Variants in CCND3 observed in about 807,000 individuals in gnomAD.
CCND3 encodes the protein G1/S-specific cyclin-D3.
CCND3 carries 9 observed loss-of-function variants against 28.7 expected under a neutral mutation model. That is an observed-to-expected ratio of 0.31 (90% CI 0.19 to 0.55). The LOEUF (loss-of-function observed/expected upper bound fraction) is 0.55, where lower values mean the gene tolerates loss of function less well. Ranked by LOEUF, CCND3 falls within the 20% of genes least tolerant of loss-of-function variation. The probability of loss-of-function intolerance (pLI) is 0.93; values close to 1 mark genes in which losing one functional copy is unlikely to be tolerated. For synonymous variants in CCND3, 164 were observed against 163.9 expected, an observed-to-expected ratio of 1.00 and a Z score of 0.00; for missense variants, 315 against 385.8, an observed-to-expected ratio of 0.82 and a Z score of 1.54.
At chr6:42,041,265 A>G (rs530154268) in intron 1 of CCND3, among the ~76,000 whole-genome samples, 1 of 152,368 alleles carries the variant, frequency 6.6e-6, no homozygotes, top group East Asian at 1.9e-4. Context: ...AGAACCCAAA[A>G]GGCTGGGCCC....
chr6:41,990,057 A>G (rs1762604363), intron 1 of CCND3, among the ~76,000 whole-genome samples: 1 of 152,228 alleles, frequency 6.6e-6, no homozygotes, highest in African/African-American at 2.4e-5. Context: ...TATACATAGA[A>G]AAAGCTAAAG....
intron 1 of CCND3, among the ~76,000 whole-genome samples, chr6:42,039,699 C>A (rs1471021731): frequency 6.6e-6 from 1 of 152,230 alleles, no homozygotes; most frequent in Non-Finnish European, 1.5e-5. Flanking sequence ...GCTGATTCAA[C>A]CAGAGCTCCC....
At chr6:41,940,297 T>C (rs1336879609) in intron 2 of CCND3, 73 bp downstream of exon 2, 2 of 1,350,624 alleles carry the variant, frequency 1.5e-6, no homozygotes, top group East Asian at 2.3e-5. Flanking sequence ...AAGCCTCTGA[T>C]ATCTCAAGCT....
At chr6:41,945,252 G>T (rs1011046077), upstream of CCND3, among the ~76,000 whole-genome samples, 3 of 152,154 alleles carry the variant, frequency 2.0e-5, no homozygotes, top group Non-Finnish European at 4.4e-5. Flanking sequence ...GGTGGCTCAC[G>T]CCTGTAATCC....
chr6:42,041,819 C>A (rs913176809), intron 1 of CCND3, among the ~76,000 whole-genome samples: 1 of 152,202 alleles, frequency 6.6e-6, no homozygotes, highest in Non-Finnish European at 1.5e-5. Context: ...AGACTGGGGG[C>A]CCTCTGCGCC....
intron 1 of CCND3, among the ~76,000 whole-genome samples, chr6:42,027,098 C>G (rs1582178110): frequency 6.6e-6 from 1 of 152,180 alleles, no homozygotes; most frequent in African/African-American, 2.4e-5. Flanking sequence ...CAGCCCTTCA[C>G]CTCCATCAGG....
chr6:41,998,267 G>A lies in CCND3; in HGVS notation c.-46+50234C>T, dbSNP rs1185322506. ...CGCACCACTGTACTCCAGCTTGGGCGGCAGAGCGAGACTCCACCTCAAAAA... is the reference window on the plus strand; with the variant it reads ...CGCACCACTGTACTCCAGCTTGGGCAGCAGAGCGAGACTCCACCTCAAAAA... On this transcript the variant is annotated intron_variant, in intron 1 of 4. Transcript: ENST00000372988. Among the ~76,000 whole-genome samples, 11 of 142,852 alleles carry A rather than the reference G, an allele frequency of 7.7e-5. No individual in the cohort carries two copies. In the South Asian group the frequency reaches 1.2e-3, roughly 15 times the overall value. The allele number at this position is 142,852 out of a possible 152,430, so 93.7% of individuals were successfully genotyped here.
At chr6:42,001,736 T>C (rs1453492302) in intron 1 of CCND3, among the ~76,000 whole-genome samples, 1 of 151,546 alleles carries the variant, frequency 6.6e-6, no homozygotes, top group African/African-American at 2.4e-5. Flanking sequence ...GGGGGCGGAG[T>C]GTGCCTGAAA....
intron 1 of CCND3, among the ~76,000 whole-genome samples, chr6:41,948,330 T>G (rs1024754097): frequency 8.6e-6 from 1 of 115,770 alleles, no homozygotes; most frequent in Admixed American, 9.0e-5. Context: ...CAGTAAGTTT[T>G]TTGTTTTTTT....
At chr6:42,008,268 C>T (rs1763236372) in intron 1 of CCND3, among the ~76,000 whole-genome samples, 3 of 152,068 alleles carry the variant, frequency 2.0e-5, no homozygotes, top group Admixed American at 2.0e-4. Context: ...ATCCCAGCTA[C>T]TCGGGAGGCT....
At chr6:42,033,505 C>CAT (rs57512927) in intron 1 of CCND3, among the ~76,000 whole-genome samples, 40 of 150,370 alleles carry the variant, frequency 2.7e-4, no homozygotes, top group Admixed American at 1.7e-3. Flanking sequence ...CACACACACA[C>CAT]GCACACATAG....
At chr6:41,951,738 A>G (rs1776324537) in intron 1 of CCND3, among the ~76,000 whole-genome samples, 1 of 151,730 alleles carries the variant, frequency 6.6e-6, no homozygotes, top group Admixed American at 6.6e-5. Context: ...GGTAGTAATA[A>G]TAATAGATCC....
chr6:41,952,009 G>A (rs1028530461), intron 1 of CCND3, among the ~76,000 whole-genome samples: 3 of 151,982 alleles, frequency 2.0e-5, no homozygotes, highest in Admixed American at 1.3e-4. Flanking sequence ...TGATCCACCC[G>A]CCTCGGCCTC....
chr6:41,975,379 C>T (rs1762145786), intron 1 of CCND3, among the ~76,000 whole-genome samples: 1 of 152,034 alleles, frequency 6.6e-6, no homozygotes, highest in African/African-American at 2.4e-5. Flanking sequence ...GTATCTCATT[C>T]CCAGGCCCAC....
chr6:41,999,235 G>T (rs774630825), intron 1 of CCND3, among the ~76,000 whole-genome samples: 19 of 151,702 alleles, frequency 1.3e-4, no homozygotes, highest in Admixed American at 1.2e-3. Context: ...AAAATTTATA[G>T]AACTATAGAC....
At chr6:42,038,720 C>A (rs992302800) in intron 1 of CCND3, among the ~76,000 whole-genome samples, 1 of 151,960 alleles carries the variant, frequency 6.6e-6, no homozygotes, top group Non-Finnish European at 1.5e-5. Flanking sequence ...AAAATTATTT[C>A]TATAATATGG....
chr6:42,003,289 G>A (rs1763069462), intron 1 of CCND3, among the ~76,000 whole-genome samples: 1 of 151,782 alleles, frequency 6.6e-6, no homozygotes, highest in Admixed American at 6.6e-5. Context: ...ACTTTGGGAA[G>A]CCGAGACAGG....
chr6:41,997,359 C>T (rs1207623665), intron 1 of CCND3, among the ~76,000 whole-genome samples: 1 of 152,098 alleles, frequency 6.6e-6, no homozygotes, highest in Non-Finnish European at 1.5e-5. Flanking sequence ...GAATCTGACT[C>T]AGGAACAGAG....
At chr6:42,000,111 A>G (rs917980149) in intron 1 of CCND3, among the ~76,000 whole-genome samples, 12 of 151,950 alleles carry the variant, frequency 7.9e-5, no homozygotes, top group Non-Finnish European at 1.2e-4. Context: ...TTTACTACAT[A>G]CTAGGTCATA....
Sources: gnomAD v4.1 joint callset for allele counts (sites outside exome capture counted in the v4.1 genomes callset) on GRCh38, gnomAD v4.1.1 for gene constraint, MANE v1.5 for transcripts, NCBI Gene and HGNC (gene_info 2026-07-23, HGNC 2026-07-21) for gene names.